USP36: variants seen among roughly 807,000 people sequenced by gnomAD.
The protein encoded by USP36 is ubiquitin carboxyl-terminal hydrolase 36.
In USP36, 59 loss-of-function variants were observed where a neutral mutation model predicts 111.5. The ratio of observed to expected loss-of-function variants is 0.53; its 90% CI spans 0.43 to 0.66. USP36 has a LOEUF of 0.66. Ranked by LOEUF, USP36 falls within the 30% of genes least tolerant of loss-of-function variation. The pLI is 0.00. For synonymous variants in USP36, 628 were observed against 581.0 expected (o/e 1.08, Z -1.16); for missense variants, 1,488 against 1,468.0 (o/e 1.01, Z -0.22).
Position 78,804,333 on chromosome 17 carries a change from C to T in USP36, c.2217-355G>A, listed in dbSNP as rs548499716. On this transcript the variant is annotated intron_variant, in intron 15 of 20. Coordinates refer to ENST00000449938, the MANE Select transcript of USP36 (RefSeq NM_001385174.1). ...AAAATTAGCCGGGCGTGGTGGCACA[C>T]GCCTGTAATCTCAGCTAGTCAGGAG... Among the ~76,000 whole-genome samples, 5 of 151,752 alleles carry T rather than the reference C, an allele frequency of 3.3e-5. No homozygotes were observed. In the South Asian group the frequency reaches 6.2e-4, roughly 19 times the overall value.
Position 78,806,988 on chromosome 17 carries a change from C to T in USP36, c.2056G>A (p.Ala686Thr). The T allele has an allele frequency of 6.2e-7, 1 of 1,614,098 alleles. No individual in the cohort carries two copies. The highest frequency in any genetic ancestry group is 8.5e-7 in the Non-Finnish European group (1 of 1,179,970). ...TTGGCAGAAAGGGCCAGTTTTTTGG[C>T]TGGTGGAGGAGACATGGTGCTTGCA... ...EPASTMSPPPAKKLALSAKKA... is the reference protein window; with the variant it reads ...EPASTMSPPPTKKLALSAKKA... The change falls in exon 14 of 21, where the codon GCC (alanine) becomes ACC (threonine). Residue 686 changes from alanine (A) to threonine (T), a missense_variant. Physicochemically the swap from Ala to Thr is moderately conservative, Grantham distance 58. This residue lies in a region of USP36 where 1,073 missense variants were observed against 994.1 expected (regional missense o/e 1.08). Coordinates refer to ENST00000449938, the MANE Select transcript of USP36 (RefSeq NM_001385174.1).
In USP36 at chr17:78,798,356, A is replaced by T; in HGVS notation, c.*20+44T>A. On this transcript the variant is annotated intron_variant, in intron 20 of 20. Coordinates refer to ENST00000449938, the MANE Select transcript of USP36 (RefSeq NM_001385174.1). The surrounding 1 kb of genome is among the most constrained non-coding windows in gnomAD (Gnocchi z 5.1). ...ACACCCCTACACACATACACGGCAC[A>T]CACACCCCCACCTCACCCTTACACC... 1 of 1,606,240 alleles carries T rather than the reference A, an allele frequency of 6.2e-7. No individual in the cohort carries two copies. Among genetic ancestry groups the T allele is most frequent in the Non-Finnish European group, 8.5e-7 (1 of 1,177,666 alleles).
At chr17:78,804,680 CA>C (rs201571699) in intron 15 of USP36, among the ~76,000 whole-genome samples, 42 of 85,110 alleles carry the variant, frequency 4.9e-4, no homozygotes, top group Middle Eastern at 6.8e-3. Context: ...TTTTAAAAGT[CA>C]AAAAAAAAAT....
chr17:78,834,754 T>C (rs1477414162), intron 4 of USP36, among the ~76,000 whole-genome samples: 3 of 152,148 alleles, frequency 2.0e-5, no homozygotes, highest in African/African-American at 7.2e-5. Flanking sequence ...AGAGATGGGA[T>C]CTTGCTGTGT....
chr17:78,798,365 C>T lies in USP36; in HGVS notation c.*20+35G>A, dbSNP rs1469195793. 1.2e-6 allele frequency: 2 copies of T among 1,610,098 alleles called. No individual in the cohort carries two copies. Among genetic ancestry groups the T allele is most frequent in the East Asian group, 4.5e-5 (2 of 44,824 alleles). On this transcript the variant is annotated intron_variant, in intron 20 of 20. Coordinates refer to ENST00000449938, the MANE Select transcript of USP36 (RefSeq NM_001385174.1). The surrounding 1 kb of genome is among the most constrained non-coding windows in gnomAD (Gnocchi z 5.1). ...CACACATACACGGCACACACACCCC[C>T]ACCTCACCCTTACACCCACCCCCTC... is the stretch of plus-strand genomic sequence containing the variant.
chr17:78,806,022 C>A (rs942628209), intron 15 of USP36, 134 bp downstream of exon 15: 24 of 1,482,222 alleles, frequency 1.6e-5, no homozygotes, highest in Admixed American at 2.2e-5. Flanking sequence ...GTGACGCCCC[C>A]CTGTACCTCC....
chr17:78,807,745 G>T, intron 13 of USP36, 109 bp from the exon 14 acceptor site: 1 of 1,077,286 alleles, frequency 9.3e-7, no homozygotes, highest in Non-Finnish European at 1.3e-6. Flanking sequence ...CCTCTGATTA[G>T]CATGCTCAAG....
At chr17:78,830,459 A>G (rs2145570413) in intron 4 of USP36, among the ~76,000 whole-genome samples, 1 of 152,338 alleles carries the variant, frequency 6.6e-6, no homozygotes, top group South Asian at 2.1e-4. Flanking sequence ...ACATTTTGCA[A>G]TGAACAATCC....
rs977999497 is a variant in USP36 at position 78,797,842 on chromosome 17, C to T, written c.*58G>A. On this transcript the variant is annotated 3_prime_UTR_variant, in exon 21 of 21. Coordinates refer to ENST00000449938, the MANE Select transcript of USP36 (RefSeq NM_001385174.1). ...ACAGAGAGCTCCCTCAGATCCAGAC[C>T]GACAGCTCCCGGGAAGGGACGCCTT... 4.5e-5 allele frequency: 7 copies of T among 154,742 alleles called. No individual in the cohort carries two copies. In the East Asian group the frequency reaches 9.5e-4, roughly 21 times the overall value. The allele number at this position is 154,742 out of a possible 1,614,324, so 9.6% of individuals were successfully genotyped here. A position where few individuals can be genotyped will look rare whatever the true frequency, so the allele number is the denominator to read the frequency against.
rs576134385 is a variant in USP36 at position 78,789,843 on chromosome 17, G to A, written c.*21-2185C>T. 6.2e-4 allele frequency among the ~76,000 whole-genome samples: 94 copies of A among 152,226 alleles called. 1 individual carries two copies. The highest frequency in any genetic ancestry group is 6.2e-3 in the Admixed American group (94 of 15,280). ...TCACTTACGCAGAAAAACAAAGGGG[G>A]TGCGGGTAGGGCTCAGGGAAGGCAA... On this transcript the variant is annotated intron_variant, in intron 3 of 3. Coordinates refer to the USP36 transcript ENST00000588130.
intron 10 of USP36, among the ~76,000 whole-genome samples, chr17:78,818,392 C>T (rs184189100): frequency 1.3e-5 from 2 of 152,304 alleles, no homozygotes; most frequent in East Asian, 3.9e-4. Flanking sequence ...GGGCCCTGTC[C>T]TCCAGAGATT....
Position 78,803,805 on chromosome 17 carries a change from T to C in USP36, c.2390A>G (p.Gln797Arg). The C allele has an allele frequency of 6.2e-7, 1 of 1,612,674 alleles. No homozygotes were observed. Among genetic ancestry groups the C allele is most frequent in the Non-Finnish European group, 8.5e-7 (1 of 1,179,966 alleles). Reference sequence around the variant, plus strand: ...GGGGGGCTCACTGGCCTCTGGCAACTGGTGTGGAAGAGACACAAGGTCCTC... The same window carrying C: ...GGGGGGCTCACTGGCCTCTGGCAACCGGTGTGGAAGAGACACAAGGTCCTC... ...VNEDLVSLPH[Q>R]LPEASEPPQS... The change falls in exon 16 of 21, where the codon CAG (glutamine) becomes CGG (arginine). Residue 797 changes from glutamine (Q) to arginine (R), a missense_variant. Physicochemically the swap from Gln to Arg is conservative, Grantham distance 43 (BLOSUM62 1). Coordinates refer to ENST00000449938, the MANE Select transcript of USP36 (RefSeq NM_001385174.1). The surrounding 1 kb of genome is among the most constrained non-coding windows in gnomAD (Gnocchi z 4.6).
In USP36 at chr17:78,806,168, A is replaced by T; in HGVS notation, c.2204T>A (p.Val735Asp). Residue 735 changes from valine to aspartate, a missense_variant, in exon 15 of 21, where the codon GTC (valine) becomes GAC (aspartate). Physicochemically the swap from Val to Asp is radical, Grantham distance 152. This residue lies in a region of USP36 where 1,073 missense variants were observed against 994.1 expected (regional missense o/e 1.08). Coordinates refer to ENST00000449938, the MANE Select transcript of USP36 (RefSeq NM_001385174.1). Reference protein sequence around the residue: ...SHPVVASTWPVHRARAVSPAP... With the variant: ...SHPVVASTWPDHRARAVSPAP... ...GCCCAAAGCTTACCTGGCTCTATGG[A>T]CGGGCCAAGTGGAGGCAACGACGGG... The T allele has an allele frequency of 1.2e-6, 2 of 1,613,486 alleles. No individual in the cohort carries two copies. The highest frequency in any genetic ancestry group is 1.1e-5 in the South Asian group (1 of 91,044).
intron 18 of USP36, 39 bp downstream of exon 18, chr17:78,799,628 A>G (rs367735053): frequency 2.5e-6 from 4 of 1,596,866 alleles, no homozygotes; most frequent in Non-Finnish European, 3.4e-6. Context: ...AAAACCAACC[A>G]ATGAAAGGCA....
At position 78,836,132 on chromosome 17, in the gene USP36, C is replaced by T; in HGVS notation, c.232G>A (p.Asp78Asn). The change falls in exon 3 of 21, where the codon GAC becomes AAC. Residue 78 changes from aspartate to asparagine, a missense_variant. Asp to Asn is a conservative substitution (Grantham distance 23). This residue lies in a region of USP36 where 219 missense variants were observed against 209.5 expected (regional missense o/e 1.05). Coordinates refer to ENST00000449938, the MANE Select transcript of USP36 (RefSeq NM_001385174.1). ...EGASRHKSGD[D>N]PPARRQGSEH... ...GTACCCTGTCTCCTGGCCGGTGGGT[C>T]ATCTCCACTCTTGTGGCGACTAGCT... 6.2e-7 allele frequency: 1 copy of T among 1,613,654 alleles called. No homozygotes were observed. Among genetic ancestry groups the T allele is most frequent in the Non-Finnish European group, 8.5e-7 (1 of 1,180,036 alleles).
chr17:78,825,957 G>A (rs182369506), intron 6 of USP36, among the ~76,000 whole-genome samples: 3 of 152,204 alleles, frequency 2.0e-5, no homozygotes, highest in Non-Finnish European at 2.9e-5. Context: ...ACGCTGCTGG[G>A]GTCCACTGTC....
Position 78,807,180 on chromosome 17 carries a change from C to T in USP36, c.1864G>A (p.Asp622Asn), listed in dbSNP as rs780446860. The change falls in exon 14 of 21, where the codon GAC (aspartate) becomes AAC (asparagine). Residue 622 changes from aspartate (D) to asparagine (N), a missense_variant. Asp to Asn is a conservative substitution (Grantham distance 23). Around this residue, in one of 3 missense-constraint regions of USP36, gnomAD observed 1,073 missense variants for 994.1 expected, o/e 1.08. Coordinates refer to ENST00000449938, the MANE Select transcript of USP36 (RefSeq NM_001385174.1). ...SSSPEHSASS[D>N]STKAPQTPRS... ...GGGGTCTGGGGGGCCTTGGTGGAGTCGCTGCTGGCCGAGTGCTCTGGGCTG... is the reference window on the plus strand; with the variant it reads ...GGGGTCTGGGGGGCCTTGGTGGAGTTGCTGCTGGCCGAGTGCTCTGGGCTG... 34 of 1,614,012 alleles carry T rather than the reference C, an allele frequency of 2.1e-5. No individual in the cohort carries two copies. The East Asian group carries it at 2.2e-4, about 11-fold the overall frequency.
At chr17:78,801,065 C>T (rs942374048) in intron 17 of USP36, among the ~76,000 whole-genome samples, 3 of 151,560 alleles carry the variant, frequency 2.0e-5, no homozygotes, top group Admixed American at 6.6e-5. Flanking sequence ...CAAGCTCCGC[C>T]TCCTGGGTTC....
intron 7 of USP36, among the ~76,000 whole-genome samples, chr17:78,821,713 C>T (rs1375046668): frequency 1.3e-5 from 2 of 152,028 alleles, no homozygotes; most frequent in African/African-American, 4.8e-5. Context: ...GCTGGGATTA[C>T]AGGCGTGAGC....
Sources: gnomAD v4.1 joint callset for allele counts (sites outside exome capture counted in the v4.1 genomes callset) on GRCh38, gnomAD v4.1.1 for gene constraint, gnomAD v4.1.1 regional missense constraint, Gnocchi (gnomAD v3.1) non-coding constraint, MANE v1.5 for transcripts, NCBI Gene and HGNC (gene_info 2026-07-23, HGNC 2026-07-21) for gene names.